TECPR2: variants seen among roughly 807,000 people sequenced by gnomAD.
TECPR2 encodes tectonin beta-propeller repeat containing 2, also known as tectonin beta-propeller repeat-containing protein 2.
In TECPR2, 65 loss-of-function variants were observed where a neutral mutation model predicts 138.1. That is an observed-to-expected ratio of 0.47 (90% CI 0.39 to 0.58). The LOEUF (loss-of-function observed/expected upper bound fraction) is 0.58, where lower values mean the gene tolerates loss of function less well. Among genes scored for constraint, TECPR2 ranks in the 20% least tolerant of loss-of-function variants. The pLI, the probability that TECPR2 is intolerant of heterozygous loss-of-function variation, is 0.00. For missense variants in TECPR2, 1,553 were observed against 1,824.5 expected (o/e 0.85, Z 2.71); for synonymous variants, 746 against 749.8 (o/e 0.99, Z 0.08).
At chr14:102,476,190 G>A (rs1413983461) in intron 17 of TECPR2, among the ~76,000 whole-genome samples, 1 of 119,086 alleles carries the variant, frequency 8.4e-6, no homozygotes, top group African/African-American at 3.3e-5. Flanking sequence ...CTGGGCAACA[G>A]AGCGAGACTC....
chr14:102,446,831 G>A (rs952053528), intron 13 of TECPR2, among the ~76,000 whole-genome samples: 18 of 152,060 alleles, frequency 1.2e-4, no homozygotes, highest in African/African-American at 4.3e-4. Context: ...TTTTGATATT[G>A]TTTATATATT....
In TECPR2 at chr14:102,445,960, C is replaced by T; in HGVS notation, c.3075+13C>T. On this transcript the variant is annotated intron_variant, in intron 13 of 19. Transcript: ENST00000359520. ...CCATTGGTGGCAAGTAGGTGTTCAG[C>T]TCTGCGCCACGTGCCGAGGTCTCCC... The T allele has an allele frequency of 6.2e-7, 1 of 1,607,896 alleles. No individual in the cohort carries two copies. Among genetic ancestry groups the T allele is most frequent in the Non-Finnish European group, 8.5e-7 (1 of 1,175,736 alleles).
At chr14:102,389,607 G>A (rs560302470) in intron 2 of TECPR2, among the ~76,000 whole-genome samples, 1 of 152,246 alleles carries the variant, frequency 6.6e-6, no homozygotes, top group Admixed American at 6.5e-5. Flanking sequence ...AAATGATGTG[G>A]GACAGCTGGA....
chr14:102,435,586 T>C (rs1411293147), intron 9 of TECPR2, among the ~76,000 whole-genome samples: 2 of 152,056 alleles, frequency 1.3e-5, no homozygotes, highest in Non-Finnish European at 2.9e-5. Flanking sequence ...ACCTGTGGAG[T>C]AGAGAAAGCT....
chr14:102,368,594 T>C (rs1887409440), intron 1 of TECPR2, among the ~76,000 whole-genome samples: 1 of 152,052 alleles, frequency 6.6e-6, no homozygotes, highest in Non-Finnish European at 1.5e-5. Flanking sequence ...CCAGGAGATA[T>C]TTTCTTCCAT....
At chr14:102,474,181 T>C (rs1169267051) in intron 17 of TECPR2, among the ~76,000 whole-genome samples, 2 of 152,004 alleles carry the variant, frequency 1.3e-5, no homozygotes, top group African/African-American at 4.8e-5. Context: ...GGTGGGAGGA[T>C]CACTTGAGCC....
intron 9 of TECPR2, among the ~76,000 whole-genome samples, chr14:102,436,800 C>T (rs1463039885): frequency 6.6e-6 from 1 of 152,184 alleles, no homozygotes; most frequent in African/African-American, 2.4e-5. Context: ...TGTTCACATC[C>T]TCGCAGTTGA....
At chr14:102,367,052 G>A (rs1314107792) in intron 1 of TECPR2, among the ~76,000 whole-genome samples, 1 of 152,174 alleles carries the variant, frequency 6.6e-6, no homozygotes. Context: ...GAGTGGGTCA[G>A]TGGAGCTAGA....
At chr14:102,425,371 C>G (rs1350733322) in intron 6 of TECPR2, 80 bp downstream of exon 6, 2 of 1,404,250 alleles carry the variant, frequency 1.4e-6, no homozygotes, top group Non-Finnish European at 1.9e-6. Flanking sequence ...ACTCAGGGAC[C>G]TCAGAATGCT....
chr14:102,492,258 C>CCAGGGAG lies in TECPR2; in HGVS notation c.3790-4721_3790-4720insCAGGGAG, dbSNP rs1891174109. ...TGGCCTCTCACCTAGAGTGAGGGCC[C>CCAGGGAG]TGCCAGGGAGTGCCAGTCCTCCTTT... On this transcript the variant is annotated intron_variant, in intron 17 of 19. Transcript: ENST00000359520. 3.3e-5 allele frequency among the ~76,000 whole-genome samples: 5 copies of CCAGGGAG among 152,318 alleles called. No homozygotes were observed. In the South Asian group the frequency reaches 1.0e-3, roughly 32 times the overall value.
At chr14:102,401,744 G>T (rs1196726959) in intron 2 of TECPR2, among the ~76,000 whole-genome samples, 1 of 140,182 alleles carries the variant, frequency 7.1e-6, no homozygotes, top group Non-Finnish European at 1.5e-5. Flanking sequence ...GGCAGAGCTT[G>T]CAGTGAGCCG....
intron 16 of TECPR2, among the ~76,000 whole-genome samples, chr14:102,454,496 C>T (rs1185888379): frequency 6.6e-6 from 1 of 152,166 alleles, no homozygotes; most frequent in African/African-American, 2.4e-5. Flanking sequence ...CTTTTGGACC[C>T]ACCAGTCACC....
At chr14:102,371,294 T>G (rs1887503100) in intron 1 of TECPR2, among the ~76,000 whole-genome samples, 1 of 152,226 alleles carries the variant, frequency 6.6e-6, no homozygotes, top group African/African-American at 2.4e-5. Context: ...ATGTTTGCTG[T>G]GTCTGCATTG....
At chr14:102,404,684 C>T (rs1301607572) in intron 2 of TECPR2, among the ~76,000 whole-genome samples, 1 of 151,756 alleles carries the variant, frequency 6.6e-6, no homozygotes, top group African/African-American at 2.4e-5. Flanking sequence ...TCAAATGATG[C>T]TCCTGCCTCA....
Position 102,478,588 on chromosome 14 carries a change from G to A in TECPR2, c.3789+13299G>A, listed in dbSNP as rs989701100. On this transcript the variant is annotated intron_variant, in intron 17 of 19. Coordinates refer to ENST00000359520, the MANE Select transcript of TECPR2 (RefSeq NM_014844.5). ...TCCAGCTACTGGGGAGGTTGAGGCT[G>A]CAGTGAGCTGTGATCATGTCAGTGC... Among the ~76,000 whole-genome samples, 8 of 151,994 alleles carry A rather than the reference G, an allele frequency of 5.3e-5. No individual in the cohort carries two copies. The South Asian group carries it at 1.7e-3, about 32-fold the overall frequency.
In TECPR2 at chr14:102,376,848, A is replaced by G. The variant is rs1282438039; in HGVS notation, c.127A>G (p.Thr43Ala). ...SIVVYLTALDTNGDYIAVGSS... is the reference protein window; with the variant it reads ...SIVVYLTALDANGDYIAVGSS... ...CGTGGTCTATCTCACGGCCCTCGAC[A>G]CCAACGGGGACTACATCGCGGTGGG... The change falls in exon 2 of 20, where the codon ACC becomes GCC. Residue 43 changes from threonine (T) to alanine (A), a missense_variant. Transcript: ENST00000359520. The G allele has an allele frequency of 6.2e-7, 1 of 1,613,884 alleles. No individual in the cohort carries two copies. Among genetic ancestry groups the G allele is most frequent in the African/African-American group, 1.3e-5 (1 of 74,874 alleles).
rs555137938 is a variant in TECPR2, at chr14:102,493,342, A to AGGCGGGAGCCT, written c.3790-3625_3790-3615dup. 4.5e-3 allele frequency among the ~76,000 whole-genome samples: 689 copies of AGGCGGGAGCCT among 152,236 alleles called. 5 individuals are homozygous for AGGCGGGAGCCT. Among genetic ancestry groups the AGGCGGGAGCCT allele is most frequent in the African/African-American group, 0.016 (662 of 41,556 alleles). On this transcript the variant is annotated intron_variant, in intron 17 of 19. Transcript: ENST00000359520. ...CTCCACGCGGCCTTCCGAGTGGGGA[A>AGGCGGGAGCCT]GGCGGGAGCCTGGCGGGAGCCTCTC...
chr14:102,456,571 T>C (rs552259312), intron 16 of TECPR2, among the ~76,000 whole-genome samples: 3 of 151,448 alleles, frequency 2.0e-5, no homozygotes, highest in South Asian at 2.1e-4. Context: ...GGTGGACTTG[T>C]TCCTGTTTCC....
At chr14:102,427,079 GT>G (rs1211492742) in intron 6 of TECPR2, among the ~76,000 whole-genome samples, 1 of 150,192 alleles carries the variant, frequency 6.7e-6, no homozygotes, top group Non-Finnish European at 1.5e-5. Flanking sequence ...AGCCTGGTTT[GT>G]TTTCCTGTAA....
Sources: allele counts gnomAD v4.1 joint callset (sites outside exome capture counted in the v4.1 genomes callset), GRCh38; gene constraint gnomAD v4.1.1; transcripts MANE v1.5; gene names NCBI Gene and HGNC (gene_info 2026-07-23, HGNC 2026-07-21).